The following MTRF1 variants were observed in gnomAD, a reference collection of about 807,000 sequenced individuals.
MTRF1 encodes the protein peptide chain release factor 1, mitochondrial.
MTRF1 carries 51 observed loss-of-function variants against 62.9 expected under a neutral mutation model. The ratio of observed to expected loss-of-function variants is 0.81; its 90% CI spans 0.65 to 1.02. MTRF1 has a LOEUF of 1.02. Among genes scored for constraint, MTRF1 ranks in the 50% least tolerant of loss-of-function variants. The pLI is 0.00. For missense variants in MTRF1, 446 were observed against 530.0 expected (o/e 0.84, Z 1.56); for synonymous variants, 158 against 181.9 (o/e 0.87, Z 1.06).
Position 41,226,545 on chromosome 13 carries a change from C to T in MTRF1, c.1012G>A (p.Glu338Lys). The T allele has an allele frequency of 6.2e-7, 1 of 1,613,808 alleles. No homozygotes were observed. Among genetic ancestry groups the T allele is most frequent in the Non-Finnish European group, 8.5e-7 (1 of 1,179,942 alleles). The change falls in exon 8 of 10, where the codon GAA (glutamate) becomes AAA (lysine). Residue 338 changes from glutamate to lysine, a missense_variant. By Grantham distance (56) the Glu-to-Lys change is moderately conservative. Transcript: ENST00000379480. The stretch of plus-strand genomic sequence containing the variant: ...TCTTTATTTTTTATCTGTGATCTTT[C>T]TTGTTGGCATTCTACTACTAGCCCT... ...PTGLVVECQQ[E>K]RSQIKNKEIA... is the part of the protein sequence containing the mutation.
upstream of MTRF1, among the ~76,000 whole-genome samples, chr13:41,266,553 A>G: frequency 6.6e-6 from 1 of 152,244 alleles, no homozygotes; most frequent in Non-Finnish European, 1.5e-5. Context: ...TAGAGGCTGC[A>G]GTGAGCTATG....
At chr13:41,240,838 G>A (rs1487274285) in intron 5 of MTRF1, among the ~76,000 whole-genome samples, 2 of 152,066 alleles carry the variant, frequency 1.3e-5, no homozygotes, top group African/African-American at 4.8e-5. Context: ...ATAATACTGG[G>A]ATGTTTTCTG....
At chr13:41,274,512 T>C in the MTRF1 span, among the ~76,000 whole-genome samples, 3 of 152,038 alleles carry the variant, frequency 2.0e-5, no homozygotes. Context: ...TTAAAGAAAA[T>C]GCCCAGACAT....
At chr13:41,284,650 CAA>C in the MTRF1 span, among the ~76,000 whole-genome samples, 1 of 151,776 alleles carries the variant, frequency 6.6e-6, no homozygotes, top group African/African-American at 2.4e-5. Context: ...AATTTTGAGA[CAA>C]AGTCTCCCTC....
chr13:41,262,330 C>A (rs560851117), intron 1 of MTRF1: 6 of 118,392 alleles, frequency 5.1e-5, no homozygotes, highest in African/African-American at 1.8e-4. Flanking sequence ...CAAAGCAACA[C>A]GCTGTCTCAA....
At chr13:41,305,139 G>T in the MTRF1 span, among the ~76,000 whole-genome samples, 1 of 152,118 alleles carries the variant, frequency 6.6e-6, no homozygotes, top group African/African-American at 2.4e-5. Flanking sequence ...TCACTGCAGC[G>T]TCGACCTCCC....
At chr13:41,230,002 G>C (rs956271272) in intron 7 of MTRF1, among the ~76,000 whole-genome samples, 7 of 151,972 alleles carry the variant, frequency 4.6e-5, no homozygotes, top group African/African-American at 1.7e-4. Flanking sequence ...CTGGGAGGCT[G>C]ATGCAGGAGA....
rs193280291 is a variant in MTRF1, at chr13:41,220,699, C to T, written c.1224+2557G>A. The T allele has an allele frequency of 5.9e-6, 5 of 840,928 alleles. No individual in the cohort carries two copies. The East Asian group carries it at 3.2e-4, about 53-fold the overall frequency. The allele number at this position is 840,928 out of a possible 1,614,324, so 52.1% of individuals were successfully genotyped here. On this transcript the variant is annotated intron_variant, in intron 9 of 9. Transcript: ENST00000379480. ...TCATCAGGGTTCTTTCTGTCTATTT[C>T]TCATTTTTGCTTTTCTCTGTGTATC...
intron 1 of MTRF1, chr13:41,262,555 C>T (rs1451395687): frequency 2.6e-5 from 4 of 152,092 alleles, no homozygotes; most frequent in Non-Finnish European, 1.5e-5. Context: ...ATTTTCTGTT[C>T]TCCTCCCCTC....
intron 2 of MTRF1, among the ~76,000 whole-genome samples, chr13:41,257,220 C>T (rs1216408697): frequency 1.3e-5 from 2 of 152,122 alleles, no homozygotes; most frequent in Non-Finnish European, 2.9e-5. Flanking sequence ...GGTTAATCTG[C>T]AGGGGCTTTT....
chr13:41,299,907 AC>A, the MTRF1 span, among the ~76,000 whole-genome samples: 2 of 152,196 alleles, frequency 1.3e-5, no homozygotes, highest in Non-Finnish European at 2.9e-5. Flanking sequence ...TGAAACTCCT[AC>A]CGAACAGTAG....
At chr13:41,226,901 C>T (rs747910477) in intron 7 of MTRF1, among the ~76,000 whole-genome samples, 28 of 152,168 alleles carry the variant, frequency 1.8e-4, no homozygotes, top group Non-Finnish European at 3.5e-4. Context: ...TACTGCTACT[C>T]CCTATACTGC....
chr13:41,221,220 G>A (rs533270153), intron 9 of MTRF1, among the ~76,000 whole-genome samples: 1 of 149,812 alleles, frequency 6.7e-6, no homozygotes, highest in African/African-American at 2.5e-5. Flanking sequence ...GCGGTGGTGC[G>A]ATCTTGGCTC....
chr13:41,237,667 T>C (rs2036883006), intron 6 of MTRF1, among the ~76,000 whole-genome samples: 1 of 152,214 alleles, frequency 6.6e-6, no homozygotes. Context: ...TGGCTAATTT[T>C]TTCGTATTTT....
chr13:41,302,898 G>A, the MTRF1 span, among the ~76,000 whole-genome samples: 1 of 152,102 alleles, frequency 6.6e-6, no homozygotes, highest in Admixed American at 6.6e-5. Flanking sequence ...AAAATTTTGA[G>A]GCAAGCTGGG....
At chr13:41,249,619 CT>C (rs1166204914) in intron 5 of MTRF1, among the ~76,000 whole-genome samples, 14,662 of 61,432 alleles carry the variant, frequency 0.24, 698 homozygotes, top group East Asian at 0.29. Context: ...ATTTTTTTTT[CT>C]TTTTTTTTTT....
At chr13:41,253,069 G>T (rs376593975) in intron 3 of MTRF1, 39 bp from the exon 4 acceptor site, 4 of 1,433,966 alleles carry the variant, frequency 2.8e-6, no homozygotes, top group Non-Finnish European at 3.9e-6. Flanking sequence ...TATTTTCCCC[G>T]GTACACTATT....
intron 9 of MTRF1, among the ~76,000 whole-genome samples, chr13:41,219,062 G>A (rs112127848): frequency 0.052 from 7,742 of 148,212 alleles, 241 homozygotes; most frequent in Non-Finnish European, 0.077. Context: ...AGGCTGACGC[G>A]GGCAGATCAC....
chr13:41,236,633 G>A (rs988369002), intron 6 of MTRF1: 4 of 152,176 alleles, frequency 2.6e-5, no homozygotes, highest in African/African-American at 9.7e-5. Context: ...TACAGCTTTT[G>A]TTAATATATG....
Sources: allele counts gnomAD v4.1 joint callset (sites outside exome capture counted in the v4.1 genomes callset), GRCh38; gene constraint gnomAD v4.1.1; transcripts MANE v1.5; gene names NCBI Gene and HGNC (gene_info 2026-07-23, HGNC 2026-07-21).